Variants in ASH2L observed in about 807,000 individuals in gnomAD.
ASH2L encodes the protein ASH2 like, histone lysine methyltransferase complex subunit, also known as set1/Ash2 histone methyltransferase complex subunit ASH2.
Under a neutral mutation model 81.1 loss-of-function variants are expected in ASH2L, and 30 were observed. That is an observed-to-expected ratio of 0.37 (90% confidence interval 0.28 to 0.50). ASH2L has a LOEUF of 0.50. ASH2L is among the 20% of genes least tolerant of loss of function. ASH2L has a pLI of 0.95. For missense variants in ASH2L, 559 were observed against 792.1 expected, an observed-to-expected ratio of 0.71 and a Z score of 3.53; for synonymous variants, 273 against 279.9, an observed-to-expected ratio of 0.98 and a Z score of 0.24.
At chr8:38,125,834 T>C (rs1424222594) in intron 10 of ASH2L, among the ~76,000 whole-genome samples, 1 of 152,150 alleles carries the variant, frequency 6.6e-6, no homozygotes, top group African/African-American at 2.4e-5. Context: ...TGATAGCATA[T>C]ATGATGCACT....
intron 7 of ASH2L, among the ~76,000 whole-genome samples, chr8:38,115,723 C>T (rs1810864913): frequency 6.6e-6 from 1 of 152,330 alleles, no homozygotes; most frequent in African/African-American, 2.4e-5. Context: ...CCTGAATTCC[C>T]ACAGGAGCTG....
chr8:38,139,238 A>G lies in ASH2L; in HGVS notation c.*167A>G. ...TGCGGGAGACTGCCTGCCTTTCACC[A>G]TTTTCTCCCCACTTCCAGTGACTGC... On this transcript the variant is annotated 3_prime_UTR_variant, in exon 16 of 16. Transcript: ENST00000343823. 3.5e-6 allele frequency: 2 copies of G among 565,462 alleles called. No homozygotes were observed. Among genetic ancestry groups the G allele is most frequent in the South Asian group, 2.7e-5 (1 of 37,366 alleles). The allele number at this position is 565,462 out of a possible 1,614,324, so 35.0% of individuals were successfully genotyped here.
intron 8 of ASH2L, chr8:38,117,557 C>T: frequency 2.7e-6 from 2 of 731,150 alleles, no homozygotes; most frequent in Non-Finnish European, 3.3e-6. Context: ...ATGGTAGAAG[C>T]TAAAAACTAC....
Position 38,123,161 on chromosome 8 carries a change from T to G in ASH2L, c.1165+2012T>G, listed in dbSNP as rs937907626. On this transcript the variant is annotated intron_variant, in intron 10 of 15. Transcript: ENST00000343823. ...GTGCAGTGGCGCAATCTCGGCTCAC[T>G]GCAACCTCTGCCTCCCGGGTTCAAG... 2.4e-4 allele frequency: 33 copies of G among 136,252 alleles called. 2 individuals carry two copies. The highest frequency in any genetic ancestry group is 9.0e-4 in the African/African-American group (33 of 36,558). 8.4% of individuals were successfully genotyped at this position (136,252 alleles called of 1,614,324 possible). A position where few individuals can be genotyped will look rare whatever the true frequency, so the allele number is the denominator to read the frequency against.
chr8:38,112,923 G>T (rs1563251518), intron 5 of ASH2L, among the ~76,000 whole-genome samples: 1 of 151,046 alleles, frequency 6.6e-6, no homozygotes, highest in African/African-American at 2.4e-5. Flanking sequence ...TATCACTGTG[G>T]ATTATTTTTT....
At chr8:38,127,556 G>A (rs1225823743) in intron 10 of ASH2L, among the ~76,000 whole-genome samples, 1 of 151,952 alleles carries the variant, frequency 6.6e-6, no homozygotes, top group African/African-American at 2.4e-5. Context: ...AGACCAGCCT[G>A]ACCAATATGG....
intron 9 of ASH2L, 31 bp downstream of exon 9, chr8:38,119,394 C>G: frequency 1.4e-6 from 2 of 1,465,080 alleles, no homozygotes; most frequent in South Asian, 2.6e-5. Flanking sequence ...GCCCCCCTCA[C>G]TATTTAAGTA....
chr8:38,108,944 T>C (rs1180606501), intron 3 of ASH2L, among the ~76,000 whole-genome samples: 1 of 152,060 alleles, frequency 6.6e-6, no homozygotes, highest in African/African-American at 2.4e-5. Context: ...TAGCTGGGCG[T>C]GGTGGTTCAC....
Position 38,133,633 on chromosome 8 carries a change from C to A in ASH2L, c.1620+87C>A. The A allele has an allele frequency of 3.7e-6, 4 of 1,080,646 alleles. No individual in the cohort carries two copies. The South Asian group carries it at 4.5e-5, about 12-fold the overall frequency. 66.9% of individuals were successfully genotyped at this position (1,080,646 alleles called of 1,614,324 possible). A position where few individuals can be genotyped will look rare whatever the true frequency, so the allele number is the denominator to read the frequency against. The stretch of plus-strand genomic sequence containing the variant: ...CATTATAAAAGTGAGGAACACGAGG[C>A]CCAAAGGGGAATGAAGGGGCATCTG... On this transcript the variant is annotated intron_variant, in intron 13 of 15. Coordinates refer to ENST00000343823, the MANE Select transcript of ASH2L (RefSeq NM_004674.5).
At chr8:38,131,787 A>C (rs2517396) in intron 12 of ASH2L, among the ~76,000 whole-genome samples, 137,413 of 152,008 alleles carry the variant, frequency 0.9, 62,775 homozygotes, top group Non-Finnish European at 0.99. Flanking sequence ...GATGCAAGAC[A>C]AAACTTATAA....
At chr8:38,106,024 A>G in intron 1 of ASH2L, 2 of 1,528,696 alleles carry the variant, frequency 1.3e-6, no homozygotes, top group Non-Finnish European at 1.7e-6. Context: ...GCCTTCACAT[A>G]TTCCAGAAAA....
At position 38,133,230 on chromosome 8, in the gene ASH2L, G is replaced by A. The variant is rs538586647; in HGVS notation, c.1528-224G>A. Among the ~76,000 whole-genome samples the A allele has an allele frequency of 9.9e-5, 15 of 152,140 alleles. No homozygotes were observed. The South Asian group carries it at 2.9e-3, about 29-fold the overall frequency. Reference sequence around the variant, plus strand: ...ATGTATGTATTATGTATTTTCTCACGTTTCTTACTAAAGGCCTACTGAAAA... The same window carrying A: ...ATGTATGTATTATGTATTTTCTCACATTTCTTACTAAAGGCCTACTGAAAA... On this transcript the variant is annotated intron_variant, in intron 12 of 15. Coordinates refer to ENST00000343823, the MANE Select transcript of ASH2L (RefSeq NM_004674.5).
intron 3 of ASH2L, among the ~76,000 whole-genome samples, chr8:38,109,626 C>T (rs1181741231): frequency 6.6e-6 from 1 of 152,228 alleles, no homozygotes; most frequent in African/African-American, 2.4e-5. Context: ...CCCTCCTGGC[C>T]TCTTCCTCTC....
intron 10 of ASH2L, among the ~76,000 whole-genome samples, 184 bp downstream of exon 10, chr8:38,121,333 TTATATATATATATATATATATATATA>T (rs71216649): frequency 7.2e-4 from 43 of 59,662 alleles, no homozygotes; most frequent in African/African-American, 2.7e-3. Context: ...GCCGTTTTAT[TTATATATATATATATATATATATATA>T]TATATATATA....
At chr8:38,122,143 A>G (rs10090624) in intron 10 of ASH2L, among the ~76,000 whole-genome samples, 7,775 of 152,092 alleles carry the variant, frequency 0.051, 215 homozygotes, top group Middle Eastern at 0.068. Flanking sequence ...CAATACTTTG[A>G]TTATTTTGTT....
intron 4 of ASH2L, 107 bp from the exon 5 acceptor site, chr8:38,110,632 C>T: frequency 8.6e-7 from 1 of 1,157,604 alleles, no homozygotes; most frequent in Non-Finnish European, 1.3e-6. Flanking sequence ...ATGATGACTC[C>T]ATTTTGCTGC....
At chr8:38,114,378 A>C in intron 6 of ASH2L, 91 bp downstream of exon 6, 1 of 806,012 alleles carries the variant, frequency 1.2e-6, no homozygotes, top group South Asian at 1.8e-5. Flanking sequence ...TGAAATGATA[A>C]AATTAGAACA....
At chr8:38,126,888 A>G (rs561377705) in intron 10 of ASH2L, among the ~76,000 whole-genome samples, 9 of 150,600 alleles carry the variant, frequency 6.0e-5, no homozygotes, top group African/African-American at 2.2e-4. Context: ...GTTTTAAAAC[A>G]GTTAAGGCCA....
At chr8:38,108,029 A>G (rs137972651) in intron 3 of ASH2L, among the ~76,000 whole-genome samples, 11 of 151,894 alleles carry the variant, frequency 7.2e-5, no homozygotes, top group Non-Finnish European at 1.5e-4. Flanking sequence ...CGAACTTCTG[A>G]GCTCAAGGGA....
Sources: gnomAD v4.1 joint callset for allele counts (sites outside exome capture counted in the v4.1 genomes callset) on GRCh38, gnomAD v4.1.1 for gene constraint, MANE v1.5 for transcripts, NCBI Gene and HGNC (gene_info 2026-07-23, HGNC 2026-07-21) for gene names.